The following SPTBN1 variants were observed in gnomAD, a reference collection of about 807,000 sequenced individuals.
SPTBN1 encodes the protein spectrin beta, non-erythrocytic 1.
SPTBN1 carries 32 observed loss-of-function variants against 266.4 expected under a neutral mutation model. That is an observed-to-expected ratio of 0.12 (90% CI 0.09 to 0.16). The LOEUF is 0.16. SPTBN1 is among the 10% of genes least tolerant of loss of function. The pLI is 1.00. For synonymous variants in SPTBN1, 1,336 were observed against 1,162.2 expected (o/e 1.15, Z -3.04); for missense variants, 2,296 against 3,067.1 (o/e 0.75, Z 5.94).
At chr2:54,592,980 T>G (rs1269981514) in intron 2 of SPTBN1, among the ~76,000 whole-genome samples, 2 of 152,272 alleles carry the variant, frequency 1.3e-5, no homozygotes, top group African/African-American at 4.8e-5. Context: ...AGAGAAAGTA[T>G]GAAGTGCCAT....
At position 54,465,666 on chromosome 2, in the gene SPTBN1, A is replaced by ATATATATATATATC. The variant is rs1408352073; in HGVS notation, c.-48+9151_-48+9152insATATATATATCTAT. ...TATATATATATATATATATATATAT[A>ATATATATATATATC]TATCTCACACATGGGAGAGAGAGGT... On this transcript the variant is annotated intron_variant, in intron 1 of 35. Transcript: ENST00000356805. Among the ~76,000 whole-genome samples the ATATATATATATATC allele has an allele frequency of 2.1e-3, 288 of 137,794 alleles. 5 individuals carry two copies. The East Asian group carries it at 0.029, about 14-fold the overall frequency. 90.4% of individuals were successfully genotyped at this position (137,794 alleles called of 152,430 possible).
intron 1 of SPTBN1, among the ~76,000 whole-genome samples, chr2:54,488,393 G>A (rs1015327611): frequency 5.9e-5 from 9 of 152,130 alleles, no homozygotes; most frequent in African/African-American, 2.2e-4. Context: ...TTTCACCTTG[G>A]ACTGCCGTGA....
chr2:54,571,892 A>G (rs1674110949), intron 2 of SPTBN1, among the ~76,000 whole-genome samples: 1 of 152,220 alleles, frequency 6.6e-6, no homozygotes, highest in African/African-American at 2.4e-5. Context: ...CTTGAATGAA[A>G]GAATACATCA....
chr2:54,537,230 C>G (rs1671667657), intron 2 of SPTBN1, among the ~76,000 whole-genome samples: 1 of 152,188 alleles, frequency 6.6e-6, no homozygotes, highest in African/African-American at 2.4e-5. Flanking sequence ...CTTTGGTATA[C>G]TGTCATTCCA....
chr2:54,582,296 C>T (rs1486886854), intron 2 of SPTBN1, among the ~76,000 whole-genome samples: 1 of 152,040 alleles, frequency 6.6e-6, no homozygotes, highest in Non-Finnish European at 1.5e-5. Flanking sequence ...AGGTGTCGAT[C>T]TTGGTTCTGG....
At chr2:54,618,030 T>C in intron 6 of SPTBN1, 48 bp from the exon 7 acceptor site, 1 of 1,464,046 alleles carries the variant, frequency 6.8e-7, no homozygotes, top group Non-Finnish European at 9.5e-7. Context: ...TAGTCATATT[T>C]CTTTTCAAGC....
In SPTBN1 at chr2:54,496,513, A is replaced by G. The variant is rs1424617974; in HGVS notation, c.-47-29859A>G. Among the ~76,000 whole-genome samples, 5 of 151,858 alleles carry G rather than the reference A, an allele frequency of 3.3e-5. No individual in the cohort carries two copies. In the East Asian group the frequency reaches 7.7e-4, roughly 23 times the overall value. The stretch of plus-strand genomic sequence containing the variant: ...TTTTTGGAATACTTTTATCTTCTAC[A>G]TATTATTAGAAGCATTTCACATGTA... On this transcript the variant is annotated intron_variant, in intron 1 of 35. Transcript: ENST00000356805.
At position 54,584,619 on chromosome 2, in the gene SPTBN1, A is replaced by G. The variant is rs538138534; in HGVS notation, c.149-14473A>G. 2.0e-5 allele frequency among the ~76,000 whole-genome samples: 3 copies of G among 152,270 alleles called. No homozygotes were observed. The South Asian group carries it at 6.2e-4, about 32-fold the overall frequency. On this transcript the variant is annotated intron_variant, in intron 2 of 35. Transcript: ENST00000356805. The stretch of plus-strand genomic sequence containing the variant: ...GAAAGTGGATCCTCTGCTATCTGCC[A>G]CCCCAGCAGAACATCTATAAGTTTC...
intron 17 of SPTBN1, 122 bp downstream of exon 17, chr2:54,632,890 C>T (rs1678850246): frequency 1.9e-6 from 2 of 1,055,214 alleles, no homozygotes; most frequent in Admixed American, 5.3e-5. Flanking sequence ...ATATGGGTGC[C>T]CAGCAGAAGT....
At chr2:54,667,800 T>A (rs1681463158) in intron 35 of SPTBN1, among the ~76,000 whole-genome samples, 154 bp downstream of exon 35, 1 of 152,176 alleles carries the variant, frequency 6.6e-6, no homozygotes, top group African/African-American at 2.4e-5. Flanking sequence ...GGTGTTTGGT[T>A]CTGTCTCTAG....
In SPTBN1 at chr2:54,664,836, C is replaced by T; in HGVS notation, c.6659+145C>T. Reference sequence around the variant, plus strand: ...TCCTGGACATTGCATTCTTCTTGGGCTGACGCTGGAAAGCAGGAGTAGAAT... The same window carrying T: ...TCCTGGACATTGCATTCTTCTTGGGTTGACGCTGGAAAGCAGGAGTAGAAT... On this transcript the variant is annotated intron_variant, in intron 33 of 35. Coordinates refer to ENST00000356805, the MANE Select transcript of SPTBN1 (RefSeq NM_003128.3). The surrounding 1 kb of genome is among the most constrained non-coding windows in gnomAD (Gnocchi z 5.6). 1 of 821,580 alleles carries T rather than the reference C, an allele frequency of 1.2e-6. No homozygotes were observed. Among genetic ancestry groups the T allele is most frequent in the Non-Finnish European group, 1.9e-6 (1 of 537,904 alleles). The allele number at this position is 821,580 out of a possible 1,614,324, so 50.9% of individuals were successfully genotyped here.
chr2:54,578,575 T>C (rs1225326646), intron 2 of SPTBN1, among the ~76,000 whole-genome samples: 1 of 152,194 alleles, frequency 6.6e-6, no homozygotes, highest in Non-Finnish European at 1.5e-5. Context: ...TTTCTAAGAG[T>C]TCATCCTTAC....
chr2:54,504,721 A>T (rs1170460255), intron 1 of SPTBN1, among the ~76,000 whole-genome samples: 6 of 152,168 alleles, frequency 3.9e-5, no homozygotes, highest in Non-Finnish European at 1.5e-5. Context: ...CCAATTGCCC[A>T]TGGGTAGTGA....
Position 54,659,255 on chromosome 2 carries a change from C to T in SPTBN1, c.6345C>T (p.Ser2115=), listed in dbSNP as rs199917226. ...PSTKVSEEAE[S]QQQWDTSKGE... ...CGAAGGTTTCAGAGGAAGCCGAGTC[C>T]CAGCAGCAGTGGTGAGTCCCAGCAG... Residue 2115 remains serine (S), a synonymous_variant, in exon 31 of 36, where the codon TCC becomes TCT. Transcript: ENST00000356805. The T allele has an allele frequency of 1.7e-4, 280 of 1,614,020 alleles. No homozygotes were observed. The highest frequency in any genetic ancestry group is 5.8e-4 in the Admixed American group (35 of 60,008).
At chr2:54,587,582 A>G (rs1016390365) in intron 2 of SPTBN1, among the ~76,000 whole-genome samples, 1 of 152,180 alleles carries the variant, frequency 6.6e-6, no homozygotes, top group African/African-American at 2.4e-5. Context: ...GTCCCCTTCC[A>G]TGGAGGACTG....
chr2:54,477,706 G>T (rs1329719618), intron 1 of SPTBN1, among the ~76,000 whole-genome samples: 1 of 152,140 alleles, frequency 6.6e-6, no homozygotes, highest in East Asian at 1.9e-4. Flanking sequence ...GAGGTCAGGA[G>T]TTCGAGACCA....
chr2:54,669,645 T>G lies in SPTBN1; in HGVS notation c.*1076T>G, dbSNP rs1681614520. 6.5e-6 allele frequency: 1 copy of G among 152,692 alleles called. No individual in the cohort carries two copies. Among genetic ancestry groups the G allele is most frequent in the African/African-American group, 2.4e-5 (1 of 41,468 alleles). 9.5% of individuals were successfully genotyped at this position (152,692 alleles called of 1,614,324 possible). A position where few individuals can be genotyped will look rare whatever the true frequency, so the allele number is the denominator to read the frequency against. ...CAACTTTTGCCCTATCTGTTAAATATATGCTATGTCATTAAATGCTTTTAA... is the reference window on the plus strand; with the variant it reads ...CAACTTTTGCCCTATCTGTTAAATAGATGCTATGTCATTAAATGCTTTTAA... On this transcript the variant is annotated 3_prime_UTR_variant, in exon 36 of 36. Coordinates refer to ENST00000356805, the MANE Select transcript of SPTBN1 (RefSeq NM_003128.3).
At chr2:54,613,843 C>G (rs1382221660) in intron 4 of SPTBN1, among the ~76,000 whole-genome samples, 2 of 152,222 alleles carry the variant, frequency 1.3e-5, no homozygotes, top group African/African-American at 4.8e-5. Context: ...GTACACTCCT[C>G]TAGCTTCACC....
At chr2:54,614,784 C>T (rs1677481490) in intron 4 of SPTBN1, among the ~76,000 whole-genome samples, 1 of 148,758 alleles carries the variant, frequency 6.7e-6, no homozygotes, top group African/African-American at 2.5e-5. Context: ...GCCTGGGCGA[C>T]AGAGACTGTC....
Sources: allele counts gnomAD v4.1 joint callset (sites outside exome capture counted in the v4.1 genomes callset), GRCh38; gene constraint gnomAD v4.1.1; non-coding constraint Gnocchi (gnomAD v3.1); transcripts MANE v1.5; gene names NCBI Gene and HGNC (gene_info 2026-07-23, HGNC 2026-07-21).